ZBTB7C: variants seen among roughly 807,000 people sequenced by gnomAD.
ZBTB7C encodes zinc finger and BTB domain containing 7C.
A neutral mutation model predicts 25.7 loss-of-function variants in ZBTB7C; 8 were observed. The ratio of observed to expected loss-of-function variants is 0.31; its 90% CI spans 0.18 to 0.56. ZBTB7C has a LOEUF of 0.56. Ranked by LOEUF, ZBTB7C falls within the 20% of genes least tolerant of loss-of-function variation. The pLI is 0.91. For synonymous variants in ZBTB7C, 394 were observed against 369.0 expected (o/e 1.07, Z -0.78); for missense variants, 824 against 855.2 (o/e 0.96, Z 0.46).
In ZBTB7C at chr18:48,328,890, A is replaced by G. The variant is rs9966065; in HGVS notation, c.-79+9284T>C. 3.8e-3 allele frequency among the ~76,000 whole-genome samples: 582 copies of G among 152,356 alleles called. 7 individuals are homozygous for G. Among genetic ancestry groups the G allele is most frequent in the African/African-American group, 0.012 (490 of 41,576 alleles). On this transcript the variant is annotated intron_variant, in intron 2 of 4. Transcript: ENST00000590800. ...TCAATACCGCCACTTCCTAAAAGTC[A>G]GCCATTGACTGATGGAAGATTCCAG...
At chr18:48,245,347 A>G (rs2043654830) in intron 2 of ZBTB7C, among the ~76,000 whole-genome samples, 2 of 151,618 alleles carry the variant, frequency 1.3e-5, no homozygotes, top group Non-Finnish European at 2.9e-5. Context: ...GTGAGGGATA[A>G]AAGACTACAC....
intron 2 of ZBTB7C, among the ~76,000 whole-genome samples, chr18:48,331,591 T>C (rs1389429896): frequency 2.0e-5 from 3 of 152,224 alleles, no homozygotes; most frequent in Admixed American, 2.0e-4. Flanking sequence ...AGGTACAGTG[T>C]ATATTAGCAT....
At chr18:48,081,445 TTTTC>T (rs1031199639) in intron 3 of ZBTB7C, among the ~76,000 whole-genome samples, 1 of 144,016 alleles carries the variant, frequency 6.9e-6, no homozygotes, top group Admixed American at 6.8e-5. Flanking sequence ...TCTTTTTTCT[TTTTC>T]TTTTTCTTTT....
At chr18:48,060,669 C>T (rs2037094612) in intron 3 of ZBTB7C, among the ~76,000 whole-genome samples, 1 of 152,164 alleles carries the variant, frequency 6.6e-6, no homozygotes, top group Admixed American at 6.5e-5. Context: ...AAGACTTGGC[C>T]CAGGTGTCAC....
At chr18:48,202,539 G>A (rs970723275) in intron 2 of ZBTB7C, among the ~76,000 whole-genome samples, 10 of 151,942 alleles carry the variant, frequency 6.6e-5, no homozygotes, top group East Asian at 1.9e-4. Context: ...AGCGGGCTGC[G>A]AGGGTGGGTG....
chr18:48,260,728 A>G (rs2044148900), intron 2 of ZBTB7C, among the ~76,000 whole-genome samples: 1 of 152,218 alleles, frequency 6.6e-6, no homozygotes, highest in Non-Finnish European at 1.5e-5. Context: ...TGGCAAAACC[A>G]AAGCACAAGA....
chr18:48,113,882 C>T (rs575518010), intron 3 of ZBTB7C, among the ~76,000 whole-genome samples: 4 of 152,310 alleles, frequency 2.6e-5, no homozygotes, highest in South Asian at 2.1e-4. Context: ...GTGAAAACAC[C>T]GCTGCACCAG....
intron 3 of ZBTB7C, among the ~76,000 whole-genome samples, chr18:48,176,310 G>T (rs766446781): frequency 3.9e-5 from 6 of 152,176 alleles, no homozygotes; most frequent in Non-Finnish European, 7.3e-5. Context: ...CTTCAAAGAT[G>T]TCCATGTCAT....
At chr18:48,371,754 T>C (rs2047393833) in intron 1 of ZBTB7C, among the ~76,000 whole-genome samples, 1 of 152,210 alleles carries the variant, frequency 6.6e-6, no homozygotes. Context: ...CAGGTTTCAT[T>C]ATTCCTAAAA....
chr18:48,369,724 A>G (rs1004010877), intron 1 of ZBTB7C, among the ~76,000 whole-genome samples: 2 of 152,238 alleles, frequency 1.3e-5, no homozygotes, highest in Non-Finnish European at 2.9e-5. Context: ...TATGTACCAA[A>G]CAATAGAGTT....
intron 3 of ZBTB7C, among the ~76,000 whole-genome samples, chr18:48,110,514 C>T (rs1009099518): frequency 1.3e-5 from 2 of 152,206 alleles, no homozygotes; most frequent in South Asian, 2.1e-4. Context: ...TTGTGCTAGG[C>T]GGTTCCTCGC....
rs920785726 is a variant in ZBTB7C, at chr18:48,093,782, G to A, written c.-16-52659C>T. On this transcript the variant is annotated intron_variant, in intron 3 of 4. Transcript: ENST00000590800. Reference sequence around the variant, plus strand: ...AAAGATTAATAGGCTTCGGCCAGGCGCGGTGGCTCACGCCTGTAATCCCAG... The same window carrying A: ...AAAGATTAATAGGCTTCGGCCAGGCACGGTGGCTCACGCCTGTAATCCCAG... 3.9e-5 allele frequency among the ~76,000 whole-genome samples: 6 copies of A among 152,150 alleles called. 1 individual carries two copies. The highest frequency in any genetic ancestry group is 3.3e-4 in the Admixed American group (5 of 15,276).
intron 3 of ZBTB7C, among the ~76,000 whole-genome samples, chr18:48,062,749 C>T (rs541074197): frequency 2.2e-4 from 33 of 152,244 alleles, no homozygotes; most frequent in African/African-American, 5.8e-4. Context: ...GAATGCTGTC[C>T]GCAAATATCT....
At chr18:48,259,907 T>A (rs1033254882) in intron 2 of ZBTB7C, among the ~76,000 whole-genome samples, 1 of 152,232 alleles carries the variant, frequency 6.6e-6, no homozygotes, top group East Asian at 1.9e-4. Flanking sequence ...CCTATATCAC[T>A]GATAGGAATG....
At position 48,040,255 on chromosome 18, in the gene ZBTB7C, T is replaced by G; in HGVS notation, c.853A>C (p.Lys285Gln). ...TCCTCCTCCTTGATCTTCCGATTCT[T>G]GATGACCAGATCCAGTGGCCCACTG... ...MDSGPLDLVI[K>Q]NRKIKEEEKE... Residue 285 changes from lysine to glutamine, a missense_variant, in exon 4 of 5, where the codon AAG becomes CAG. Physicochemically the swap from Lys to Gln is moderately conservative, Grantham distance 53. Coordinates refer to ENST00000590800, the MANE Select transcript of ZBTB7C (RefSeq NM_001318841.2). 1 of 1,561,946 alleles carries G rather than the reference T, an allele frequency of 6.4e-7. No homozygotes were observed. The highest frequency in any genetic ancestry group is 8.6e-7 in the Non-Finnish European group (1 of 1,156,912).
intron 2 of ZBTB7C, among the ~76,000 whole-genome samples, chr18:48,232,266 G>T (rs1216375757): frequency 6.6e-6 from 1 of 152,230 alleles, no homozygotes; most frequent in Non-Finnish European, 1.5e-5. Flanking sequence ...ACTGATGATT[G>T]ATGCTAATCC....
chr18:48,106,586 A>G lies in ZBTB7C; in HGVS notation c.-16-65463T>C, dbSNP rs1193298130. Among the ~76,000 whole-genome samples, 3 of 152,246 alleles carry G rather than the reference A, an allele frequency of 2.0e-5. No homozygotes were observed. In the East Asian group the frequency reaches 5.8e-4, roughly 29 times the overall value. ...CAGGAGGTAACTTGAGGGGTGCTGTATTTGTTCACTATCTAATTGTTGAAA... is the reference window on the plus strand; with the variant it reads ...CAGGAGGTAACTTGAGGGGTGCTGTGTTTGTTCACTATCTAATTGTTGAAA... On this transcript the variant is annotated intron_variant, in intron 3 of 4. Transcript: ENST00000590800.
chr18:48,183,851 G>A (rs1183883541), intron 3 of ZBTB7C, among the ~76,000 whole-genome samples: 1 of 152,214 alleles, frequency 6.6e-6, no homozygotes, highest in Non-Finnish European at 1.5e-5. Context: ...CATCACTGCA[G>A]TGCAGTTGAT....
intron 2 of ZBTB7C, among the ~76,000 whole-genome samples, chr18:48,205,129 T>C (rs2042549110): frequency 6.6e-6 from 1 of 152,056 alleles, no homozygotes; most frequent in Non-Finnish European, 1.5e-5. Flanking sequence ...AGCCAGGAAG[T>C]ATTTACTGAG....
Sources: gnomAD v4.1 joint callset for allele counts (sites outside exome capture counted in the v4.1 genomes callset) on GRCh38, gnomAD v4.1.1 for gene constraint, MANE v1.5 for transcripts, NCBI Gene and HGNC (gene_info 2026-07-23, HGNC 2026-07-21) for gene names.